Variants in KLRB1 observed in about 807,000 individuals in gnomAD.
KLRB1 encodes killer cell lectin like receptor B1.
KLRB1 carries 27 observed loss-of-function variants against 33.5 expected under a neutral mutation model. That is an observed-to-expected ratio of 0.81 (90% CI 0.59 to 1.11). The LOEUF is 1.11. KLRB1 is among the 50% of genes most tolerant of loss of function. KLRB1 has a pLI of 0.00. For missense variants in KLRB1, 241 were observed against 254.1 expected (o/e 0.95, Z 0.35); for synonymous variants, 64 against 88.9 (o/e 0.72, Z 1.58).
intron 5 of KLRB1, 150 bp downstream of exon 5, chr12:9,597,896 A>G (rs898903422): frequency 3.8e-6 from 2 of 530,506 alleles, no homozygotes; most frequent in African/African-American, 4.1e-5. Flanking sequence ...TTTCCAACCA[A>G]CTTTGAAATC....
chr12:9,598,420 C>G, intron 4 of KLRB1, 79 bp downstream of exon 4: 1 of 1,257,168 alleles, frequency 8.0e-7, no homozygotes, highest in Non-Finnish European at 1.1e-6. Flanking sequence ...TGCATAAAAC[C>G]CCTGGGCTAA....
At position 9,599,762 on chromosome 12, in the gene KLRB1, A is replaced by AT. The variant is rs1258673790; in HGVS notation, c.259+4dup. The stretch of plus-strand genomic sequence containing the variant: ...ATTCTTAGGAAATTGAAGCCACACA[A>AT]TTACCTGTTGTTTTATTCCTGCTCT... On this transcript the variant is annotated splice_donor_region_variant and intron_variant, in intron 3 of 5. Coordinates refer to ENST00000229402, the MANE Select transcript of KLRB1 (RefSeq NM_002258.3). 1 of 1,575,208 alleles carries AT rather than the reference A, an allele frequency of 6.3e-7. No individual in the cohort carries two copies. The highest frequency in any genetic ancestry group is 8.7e-7 in the Non-Finnish European group (1 of 1,144,996).
intron 5 of KLRB1, 42 bp downstream of exon 5, chr12:9,598,003 CT>C (rs1864506917): frequency 1.1e-6 from 1 of 917,052 alleles, no homozygotes; most frequent in African/African-American, 1.7e-5. Flanking sequence ...CAGTGTAAAC[CT>C]GATATAAATT....
chr12:9,599,561 A>G (rs1864520885), intron 3 of KLRB1, among the ~76,000 whole-genome samples: 1 of 152,216 alleles, frequency 6.6e-6, no homozygotes, highest in Admixed American at 6.5e-5. Flanking sequence ...CAGACCACTT[A>G]CATATAATTC....
chr12:9,607,533 T>C, intron 1 of KLRB1: 1 of 461,650 alleles, frequency 2.2e-6, no homozygotes, highest in Non-Finnish European at 4.0e-6. Context: ...ACAAGTGATG[T>C]TTGCTTTTCA....
At chr12:9,602,788 A>C (rs910658367) in intron 1 of KLRB1, among the ~76,000 whole-genome samples, 32 of 152,142 alleles carry the variant, frequency 2.1e-4, no homozygotes, top group African/African-American at 7.7e-4. Context: ...TACATGTTAA[A>C]AAATTTAGCA....
intron 1 of KLRB1, among the ~76,000 whole-genome samples, chr12:9,606,128 T>A (rs2120724575): frequency 6.6e-6 from 1 of 152,318 alleles, no homozygotes; most frequent in Non-Finnish European, 1.5e-5. Flanking sequence ...AAGACTTTCT[T>A]CTTGACTTAA....
intron 1 of KLRB1, among the ~76,000 whole-genome samples, chr12:9,604,030 T>TA (rs1190806879): frequency 6.6e-6 from 1 of 151,386 alleles, no homozygotes; most frequent in Non-Finnish European, 1.5e-5. Flanking sequence ...TTTTTTTTTT[T>TA]AACTATAGGT....
At chr12:9,595,473 A>G in intron 5 of KLRB1, 52 bp from the exon 6 acceptor site, 1 of 1,546,378 alleles carries the variant, frequency 6.5e-7, no homozygotes, top group East Asian at 2.2e-5. Flanking sequence ...TCTCAGAGCT[A>G]TTCTCACTTA....
intron 2 of KLRB1, among the ~76,000 whole-genome samples, chr12:9,601,271 G>T (rs923172630): frequency 2.0e-5 from 3 of 150,868 alleles, no homozygotes; most frequent in Non-Finnish European, 4.4e-5. Flanking sequence ...AATACTAAGG[G>T]AACTCAGAGG....
chr12:9,599,818 A>C lies in KLRB1; in HGVS notation c.208T>G (p.Ser70Ala). 6.2e-7 allele frequency: 1 copy of C among 1,601,918 alleles called. No homozygotes were observed. Among genetic ancestry groups the C allele is most frequent in the South Asian group, 1.1e-5 (1 of 90,836 alleles). ...ATGTCCACACTGCATTTTTCTATTG[A>C]TGATTTCTGTATTAAGGATGTCACT... ...VSVTSLIQKSSIEKCSVDIQQ... is the reference protein window; with the variant it reads ...VSVTSLIQKSAIEKCSVDIQQ... The change falls in exon 3 of 6, where the codon TCA becomes GCA. Residue 70 changes from serine to alanine, a missense_variant. Physicochemically the swap from Ser to Ala is moderately conservative, Grantham distance 99. Coordinates refer to ENST00000229402, the MANE Select transcript of KLRB1 (RefSeq NM_002258.3).
intron 1 of KLRB1, 32 bp from the exon 2 acceptor site, chr12:9,601,631 A>AACAC (rs2120715321): frequency 1.4e-6 from 2 of 1,480,586 alleles, no homozygotes; most frequent in Non-Finnish European, 1.9e-6. Flanking sequence ...CACAAAAACA[A>AACAC]ACAAACAAAC....
chr12:9,604,090 T>C (rs762373047), intron 1 of KLRB1, among the ~76,000 whole-genome samples: 6 of 151,960 alleles, frequency 3.9e-5, no homozygotes, highest in Non-Finnish European at 7.4e-5. Flanking sequence ...CATGCTAAAA[T>C]GTAAGGAGTT....
Position 9,599,755 on chromosome 12 carries a change from C to G in KLRB1, c.259+12G>C. The G allele has an allele frequency of 6.5e-7, 1 of 1,538,196 alleles. No individual in the cohort carries two copies. On this transcript the variant is annotated intron_variant, in intron 3 of 5. Coordinates refer to ENST00000229402, the MANE Select transcript of KLRB1 (RefSeq NM_002258.3). ...AACAGTTATTCTTAGGAAATTGAAG[C>G]CACACAATTACCTGTTGTTTTATTC...
chr12:9,600,854 A>G (rs906318965), intron 2 of KLRB1, among the ~76,000 whole-genome samples: 6 of 151,894 alleles, frequency 4.0e-5, no homozygotes, highest in African/African-American at 1.5e-4. Context: ...GGGAAGGGAA[A>G]GACCTGACCG....
chr12:9,603,656 G>A (rs1290332029), intron 1 of KLRB1, among the ~76,000 whole-genome samples: 2 of 147,626 alleles, frequency 1.4e-5, no homozygotes, highest in Non-Finnish European at 3.0e-5. Flanking sequence ...GGCTGGTCTC[G>A]AACTCCCAAC....
chr12:9,597,150 A>T (rs946930298), intron 5 of KLRB1, among the ~76,000 whole-genome samples: 1 of 152,180 alleles, frequency 6.6e-6, no homozygotes, highest in African/African-American at 2.4e-5. Flanking sequence ...ACAAACTTAA[A>T]ACATTCTCCT....
intron 3 of KLRB1, among the ~76,000 whole-genome samples, chr12:9,599,546 T>C (rs1864520776): frequency 6.6e-6 from 1 of 152,224 alleles, no homozygotes; most frequent in African/African-American, 2.4e-5. Flanking sequence ...CTTAGGCTCA[T>C]AAGTCAGACC....
chr12:9,595,093 CATT>C lies in KLRB1; in HGVS notation c.*178_*180del, dbSNP rs1461482738. ...GTTTTTCTCTATGTCTCTGTTTCCT[CATT>C]TAATAGAATGAATATGATAAACATG... On this transcript the variant is annotated 3_prime_UTR_variant, in exon 6 of 6. Coordinates refer to ENST00000229402, the MANE Select transcript of KLRB1 (RefSeq NM_002258.3). 2 of 576,030 alleles carry C rather than the reference CATT, an allele frequency of 3.5e-6. No individual in the cohort carries two copies. The highest frequency in any genetic ancestry group is 4.2e-4 in the Middle Eastern group (1 of 2,360). 35.7% of individuals were successfully genotyped at this position (576,030 alleles called of 1,614,324 possible).
Sources: gnomAD v4.1 joint callset for allele counts (sites outside exome capture counted in the v4.1 genomes callset) on GRCh38, gnomAD v4.1.1 for gene constraint, MANE v1.5 for transcripts, NCBI Gene and HGNC (gene_info 2026-07-23, HGNC 2026-07-21) for gene names.